The following CDH23 variants were observed in gnomAD, a reference collection of about 807,000 sequenced individuals.
CDH23 encodes the protein cadherin related 23.
CDH23 carries 189 observed loss-of-function variants against 317.1 expected under a neutral mutation model. That is an observed-to-expected ratio of 0.60 (90% CI 0.53 to 0.67). The LOEUF (loss-of-function observed/expected upper bound fraction) is 0.67. Among genes scored for constraint, CDH23 ranks in the 30% least tolerant of loss-of-function variants. The probability of loss-of-function intolerance (pLI) is 0.00; values close to 1 mark genes in which losing one functional copy is unlikely to be tolerated. For missense variants in CDH23, 4,401 were observed against 4,592.4 expected, an observed-to-expected ratio of 0.96 and a Z score of 1.20; for synonymous variants, 1,839 against 1,876.8, an observed-to-expected ratio of 0.98 and a Z score of 0.52.
chr10:71,684,458 AAG>A (rs146532606), intron 18 of CDH23, among the ~76,000 whole-genome samples: 4,245 of 152,276 alleles, frequency 0.028, 252 homozygotes, highest in East Asian at 0.24. Context: ...ACCAAGTGGA[AAG>A]AGGGGTGTGG....
chr10:71,706,817 G>A (rs967830838), intron 25 of CDH23, 80 bp from the exon 26 acceptor site: 1 of 1,511,456 alleles, frequency 6.6e-7, no homozygotes, highest in Non-Finnish European at 8.9e-7. Flanking sequence ...TACTTGGTCT[G>A]GTGCTGGAGA....
At chr10:71,409,546 T>C (rs1244115648) in intron 1 of CDH23, among the ~76,000 whole-genome samples, 3 of 152,134 alleles carry the variant, frequency 2.0e-5, no homozygotes, top group African/African-American at 4.8e-5. Flanking sequence ...GTTTCCTGAC[T>C]GCTGGCCTGG....
chr10:71,534,407 C>T lies in CDH23; in HGVS notation c.429+23195C>T, dbSNP rs115686122. ...CGCTATCACTGCGGAGAAAAACTTC[C>T]CATCGCTGCGGAATCCCCACAGCCC... On this transcript the variant is annotated intron_variant, in intron 6 of 69. Coordinates refer to ENST00000224721, the MANE Select transcript of CDH23 (RefSeq NM_022124.6). Among the ~76,000 whole-genome samples the T allele has an allele frequency of 6.0e-3, 919 of 152,316 alleles. 11 individuals are homozygous for T. Among genetic ancestry groups the T allele is most frequent in the African/African-American group, 0.019 (774 of 41,548 alleles).
Position 71,441,736 on chromosome 10 carries a change from G to GAA in CDH23, c.67+1848_67+1849dup, listed in dbSNP as rs67107908. On this transcript the variant is annotated intron_variant, in intron 2 of 69. Transcript: ENST00000224721. Reference sequence around the variant, plus strand: ...GACTCTGTCTCAAAAAAAGAAAAAAGAAAAAAAAAAATACATCAGTAGAAA... The same window carrying GAA: ...GACTCTGTCTCAAAAAAAGAAAAAAGAAAAAAAAAAAAATACATCAGTAGAAA... 3.5e-3 allele frequency among the ~76,000 whole-genome samples: 526 copies of GAA among 149,382 alleles called. 4 individuals carry two copies. The highest frequency in any genetic ancestry group is 0.011 in the African/African-American group (440 of 40,488).
intron 37 of CDH23, 66 bp downstream of exon 37, chr10:71,741,016 G>C (rs977726304): frequency 4.4e-5 from 70 of 1,588,640 alleles, no homozygotes; most frequent in Non-Finnish European, 6.0e-5. Flanking sequence ...AGCCAACCAT[G>C]CAGCCCCTGT....
intron 3 of CDH23, among the ~76,000 whole-genome samples, chr10:71,448,245 G>T (rs1175852843): frequency 6.6e-6 from 1 of 152,254 alleles, no homozygotes; most frequent in Non-Finnish European, 1.5e-5. Flanking sequence ...ACAAGCCCGG[G>T]CTGGAAGCCC....
chr10:71,565,136 TAGAA>T (rs1228947302), intron 6 of CDH23, among the ~76,000 whole-genome samples: 1 of 151,806 alleles, frequency 6.6e-6, no homozygotes, highest in African/African-American at 2.4e-5. Flanking sequence ...CTGTGTGATC[TAGAA>T]AGAGAGAGGG....
At chr10:71,493,105 T>C (rs1345942074) in intron 3 of CDH23, among the ~76,000 whole-genome samples, 2 of 152,090 alleles carry the variant, frequency 1.3e-5, no homozygotes, top group African/African-American at 2.4e-5. Context: ...AGACAGCTCA[T>C]TGCGTGGGGG....
rs538472212 is a variant in CDH23, at chr10:71,783,117, G to A, written c.5369-1170G>A. On this transcript the variant is annotated intron_variant, in intron 41 of 69. Transcript: ENST00000224721. ...TTCCCCCTAAGTATTCAAAGGGAAA[G>A]TGAAGGAGGTAACTAACCTTCTCTC... Among the ~76,000 whole-genome samples, 310 of 152,342 alleles carry A rather than the reference G, an allele frequency of 2.0e-3. 1 individual carries two copies. Among genetic ancestry groups the A allele is most frequent in the Non-Finnish European group, 3.4e-3 (229 of 68,032 alleles).
At chr10:71,579,130 T>A (rs986213860) in intron 9 of CDH23, among the ~76,000 whole-genome samples, 1 of 152,202 alleles carries the variant, frequency 6.6e-6, no homozygotes, top group Non-Finnish European at 1.5e-5. Context: ...ACCACGTAAG[T>A]GTTAGCTGTG....
intron 6 of CDH23, among the ~76,000 whole-genome samples, chr10:71,513,233 C>T (rs745361459): frequency 6.6e-6 from 1 of 152,098 alleles, no homozygotes; most frequent in Non-Finnish European, 1.5e-5. Flanking sequence ...TCAGTGTGGC[C>T]AGTGGGGATG....
intron 6 of CDH23, among the ~76,000 whole-genome samples, chr10:71,521,266 C>T (rs1048389354): frequency 5.3e-5 from 8 of 152,140 alleles, no homozygotes; most frequent in African/African-American, 1.9e-4. Context: ...TGCCCACTCA[C>T]GTCCTTGCCC....
At chr10:71,439,727 C>A in intron 1 of CDH23, 100 bp from the exon 2 acceptor site, 1 of 820,552 alleles carries the variant, frequency 1.2e-6, no homozygotes, top group Non-Finnish European at 2.0e-6. Context: ...CCTTCCCAGC[C>A]CCAGTTCTCT....
At chr10:71,571,954 C>G (rs1857846401) in intron 8 of CDH23, among the ~76,000 whole-genome samples, 1 of 152,230 alleles carries the variant, frequency 6.6e-6, no homozygotes, top group Non-Finnish European at 1.5e-5. Flanking sequence ...GGGCCTGACC[C>G]CTCATTTGGA....
chr10:71,528,616 G>A (rs974853057), intron 6 of CDH23, among the ~76,000 whole-genome samples: 4 of 152,376 alleles, frequency 2.6e-5, no homozygotes, highest in Middle Eastern at 3.4e-3. Flanking sequence ...TGCGACCAGC[G>A]CGATAGGAGT....
intron 6 of CDH23, among the ~76,000 whole-genome samples, chr10:71,562,661 T>C (rs187338678): frequency 1.2e-4 from 18 of 152,266 alleles, no homozygotes; most frequent in Middle Eastern, 6.8e-3. Context: ...GGGGTGCCCA[T>C]AGAAAGGACG....
At chr10:71,521,281 G>T (rs1378900772) in intron 6 of CDH23, among the ~76,000 whole-genome samples, 1 of 152,144 alleles carries the variant, frequency 6.6e-6, no homozygotes, top group Non-Finnish European at 1.5e-5. Context: ...TTGCCCCGGA[G>T]AGTCGTGGGC....
intron 1 of CDH23, among the ~76,000 whole-genome samples, chr10:71,434,527 G>T (rs533965431): frequency 6.6e-6 from 1 of 152,292 alleles, no homozygotes; most frequent in African/African-American, 2.4e-5. Flanking sequence ...TTGACTTGGT[G>T]GGGGGCAGGG....
At chr10:71,700,216 G>A (rs1865531895) in intron 22 of CDH23, among the ~76,000 whole-genome samples, 1 of 152,080 alleles carries the variant, frequency 6.6e-6, no homozygotes. Flanking sequence ...GTAAAACCTT[G>A]TCTCTATTAA....
Sources: allele counts gnomAD v4.1 joint callset (sites outside exome capture counted in the v4.1 genomes callset), GRCh38; gene constraint gnomAD v4.1.1; transcripts MANE v1.5; gene names NCBI Gene and HGNC (gene_info 2026-07-23, HGNC 2026-07-21).